Variants in ZFAND6 observed in about 807,000 individuals in gnomAD.
ZFAND6 encodes zinc finger AN1-type containing 6, also known as AN1-type zinc finger protein 6.
ZFAND6 carries 12 observed loss-of-function variants against 24.5 expected under a neutral mutation model. That is an observed-to-expected ratio of 0.49 (90% confidence interval 0.31 to 0.79). The LOEUF is 0.79. Ranked by LOEUF, ZFAND6 falls within the 30% of genes least tolerant of loss-of-function variation. The pLI, the probability that ZFAND6 is intolerant of heterozygous loss-of-function variation, is 0.04. For synonymous variants in ZFAND6, 92 were observed against 81.5 expected, an observed-to-expected ratio of 1.13 and a Z score of -0.69; for missense variants, 207 against 245.9, an observed-to-expected ratio of 0.84 and a Z score of 1.06.
At position 80,138,141 on chromosome 15, in the gene ZFAND6, A is replaced by T. The variant is rs2040942416; in HGVS notation, c.*513A>T. The T allele has an allele frequency of 6.6e-6, 1 of 152,656 alleles. No homozygotes were observed. The highest frequency in any genetic ancestry group is 6.5e-5 in the Admixed American group (1 of 15,280). The allele number at this position is 152,656 out of a possible 1,614,324, so 9.5% of individuals were successfully genotyped here. ...AGCATATAGTTTCTTTGCACCCACT[A>T]TTTATGTCTGAATCATTTGTCACAA... On this transcript the variant is annotated 3_prime_UTR_variant, in exon 7 of 7. Coordinates refer to ENST00000261749, the MANE Select transcript of ZFAND6 (RefSeq NM_019006.4).
At chr15:80,096,452 C>T (rs2038726212) in intron 1 of ZFAND6, among the ~76,000 whole-genome samples, 1 of 152,102 alleles carries the variant, frequency 6.6e-6, no homozygotes, top group Admixed American at 6.6e-5. Context: ...TCATATAACT[C>T]TTATGAGATT....
intron 2 of ZFAND6, among the ~76,000 whole-genome samples, chr15:80,099,331 C>G (rs2038907154): frequency 1.3e-5 from 2 of 152,002 alleles, no homozygotes; most frequent in Non-Finnish European, 2.9e-5. Context: ...TTTTTTCTCT[C>G]TCTTTAGAAG....
At chr15:80,110,596 A>T (rs1345437274) in intron 2 of ZFAND6, among the ~76,000 whole-genome samples, 1 of 151,796 alleles carries the variant, frequency 6.6e-6, no homozygotes, top group East Asian at 1.9e-4. Context: ...GAAGATTAAA[A>T]CTGATACTAG....
At chr15:80,059,408 G>A (rs1223282243), upstream of ZFAND6, among the ~76,000 whole-genome samples, 6 of 152,238 alleles carry the variant, frequency 3.9e-5, no homozygotes, top group Admixed American at 6.5e-5. Flanking sequence ...GCCCCAGAGA[G>A]GGCAGTGGAG....
chr15:80,073,479 T>G (rs1037290219), intron 1 of ZFAND6: 1 of 182,198 alleles, frequency 5.5e-6, no homozygotes, highest in Non-Finnish European at 1.2e-5. Context: ...AATTAAGGTA[T>G]AAATTGCAAT....
At position 80,138,147 on chromosome 15, in the gene ZFAND6, G is replaced by T. The variant is rs573097947; in HGVS notation, c.*519G>T. 6.5e-6 allele frequency: 1 copy of T among 152,828 alleles called. No homozygotes were observed. Among genetic ancestry groups the T allele is most frequent in the East Asian group, 1.9e-4 (1 of 5,196 alleles). The allele number at this position is 152,828 out of a possible 1,614,324, so 9.5% of individuals were successfully genotyped here. The stretch of plus-strand genomic sequence containing the variant: ...TAGTTTCTTTGCACCCACTATTTAT[G>T]TCTGAATCATTTGTCACAAGAGAGT... On this transcript the variant is annotated 3_prime_UTR_variant, in exon 7 of 7. Transcript: ENST00000261749.
chr15:80,131,389 CT>C, intron 6 of ZFAND6, 96 bp downstream of exon 6: 1 of 1,044,764 alleles, frequency 9.6e-7, no homozygotes, highest in East Asian at 2.6e-5. Context: ...TTCCTGTTCC[CT>C]TGAGAGTTAA....
At chr15:80,093,640 G>A (rs747415535) in intron 1 of ZFAND6, among the ~76,000 whole-genome samples, 4 of 152,136 alleles carry the variant, frequency 2.6e-5, no homozygotes, top group African/African-American at 9.7e-5. Flanking sequence ...CAGGAGAATC[G>A]CTTAAACCCA....
At chr15:80,101,783 T>C (rs917315356) in intron 2 of ZFAND6, among the ~76,000 whole-genome samples, 3 of 150,850 alleles carry the variant, frequency 2.0e-5, no homozygotes, top group Non-Finnish European at 4.4e-5. Flanking sequence ...CTGGGTTTTA[T>C]GTAAAGTGTT....
intron 2 of ZFAND6, among the ~76,000 whole-genome samples, chr15:80,103,718 T>G (rs962016618): frequency 6.6e-6 from 1 of 152,244 alleles, no homozygotes; most frequent in Non-Finnish European, 1.5e-5. Context: ...CATTCTGCCT[T>G]CTCAGTCTGC....
intron 1 of ZFAND6, chr15:80,073,369 A>AT (rs766314850): frequency 8.5e-5 from 25 of 295,194 alleles, no homozygotes; most frequent in Non-Finnish European, 1.5e-4. Flanking sequence ...ATCTGATTCT[A>AT]TTTACATTTC....
At chr15:80,135,856 TG>T (rs1159711448) in intron 6 of ZFAND6, among the ~76,000 whole-genome samples, 1 of 152,162 alleles carries the variant, frequency 6.6e-6, no homozygotes, top group African/African-American at 2.4e-5. Context: ...CCCAGTGCAG[TG>T]TCTCACACCT....
At chr15:80,090,253 T>G (rs554744990) in intron 1 of ZFAND6, among the ~76,000 whole-genome samples, 1 of 152,314 alleles carries the variant, frequency 6.6e-6, no homozygotes, top group Non-Finnish European at 1.5e-5. Flanking sequence ...AAGAAATGCC[T>G]CTTGAATTGA....
At chr15:80,129,022 A>G (rs1304947062) in intron 5 of ZFAND6, among the ~76,000 whole-genome samples, 1 of 152,196 alleles carries the variant, frequency 6.6e-6, no homozygotes, top group Non-Finnish European at 1.5e-5. Context: ...AGAACAGGTT[A>G]GATATGGCTT....
rs192087475 is a variant in ZFAND6 at position 80,070,644 on chromosome 15, G to A, written c.-181+10835G>A. Among the ~76,000 whole-genome samples the A allele has an allele frequency of 1.7e-4, 26 of 152,222 alleles. No individual in the cohort carries two copies. In the East Asian group the frequency reaches 4.6e-3, roughly 27 times the overall value. On this transcript the variant is annotated intron_variant, in intron 1 of 6. Coordinates refer to ENST00000261749, the MANE Select transcript of ZFAND6 (RefSeq NM_019006.4). Reference sequence around the variant, plus strand: ...CTTTTCTCTTGGTTATGTATAGATGGAGAGTGGTCTTGGTGTTATATTAGT... The same window carrying A: ...CTTTTCTCTTGGTTATGTATAGATGAAGAGTGGTCTTGGTGTTATATTAGT...
At chr15:80,124,432 C>CAA (rs879814034) in intron 5 of ZFAND6, among the ~76,000 whole-genome samples, 15 of 105,286 alleles carry the variant, frequency 1.4e-4, no homozygotes, top group Non-Finnish European at 2.8e-4. Flanking sequence ...GACTCCGTCT[C>CAA]AAAAAAAAAA....
chr15:80,131,836 G>A lies in ZFAND6; in HGVS notation c.478+543G>A, dbSNP rs1323621347. 3.9e-5 allele frequency among the ~76,000 whole-genome samples: 6 copies of A among 152,212 alleles called. No individual in the cohort carries two copies. In the East Asian group the frequency reaches 1.2e-3, roughly 29 times the overall value. On this transcript the variant is annotated intron_variant, in intron 6 of 6. Transcript: ENST00000261749. ...AAAGTACATGAAGTGCAGTCAGATT[G>A]CTCTGGGAATTCAGGGATGAGAGTA...
At chr15:80,061,598 ATTTG>A (rs1369149349) in intron 1 of ZFAND6, among the ~76,000 whole-genome samples, 11 of 152,032 alleles carry the variant, frequency 7.2e-5, no homozygotes, top group Admixed American at 2.6e-4. Context: ...GTGGCATTTA[ATTTG>A]TTTTTCTTTT....
intron 1 of ZFAND6, among the ~76,000 whole-genome samples, chr15:80,077,581 A>G (rs983408494): frequency 2.0e-4 from 31 of 152,258 alleles, no homozygotes; most frequent in African/African-American, 6.3e-4. Context: ...AATATTACCA[A>G]TGTTTGTTTC....
Sources: allele counts gnomAD v4.1 joint callset (sites outside exome capture counted in the v4.1 genomes callset), GRCh38; gene constraint gnomAD v4.1.1; transcripts MANE v1.5; gene names NCBI Gene and HGNC (gene_info 2026-07-23, HGNC 2026-07-21).